ALLC: variants seen among roughly 807,000 people sequenced by gnomAD.
The protein encoded by ALLC is probable inactive allantoicase.
In ALLC, 40 loss-of-function variants were observed where a neutral mutation model predicts 45.0. That is an observed-to-expected ratio of 0.89 (90% CI 0.69 to 1.16). The LOEUF is 1.16. Among genes scored for constraint, ALLC ranks in the 50% most tolerant of loss-of-function variants. ALLC has a pLI of 0.00. For synonymous variants in ALLC, 176 were observed against 178.1 expected, an observed-to-expected ratio of 0.99 and a Z score of 0.09; for missense variants, 488 against 493.1, an observed-to-expected ratio of 0.99 and a Z score of 0.10.
rs777336403 is a variant in ALLC, at chr2:3,696,266, T to A, written c.668-9T>A. The A allele has an allele frequency of 9.7e-5, 157 of 1,610,764 alleles. No homozygotes were observed. Among genetic ancestry groups the A allele is most frequent in the Non-Finnish European group, 7.6e-5 (90 of 1,178,500 alleles). On this transcript the variant is annotated splice_polypyrimidine_tract_variant and intron_variant, in intron 8 of 11. Coordinates refer to ENST00000252505, the MANE Select transcript of ALLC (RefSeq NM_018436.4). ...GCAGTTTACCATTCAACAATGTTAT[T>A]TTCTGTAGGAGTTGGCGGGGCAAAG...
At chr2:3,687,212 T>C (rs1667354019) in intron 7 of ALLC, among the ~76,000 whole-genome samples, 1 of 150,998 alleles carries the variant, frequency 6.6e-6, no homozygotes, top group Non-Finnish European at 1.5e-5. Flanking sequence ...TGGTTTTTGT[T>C]CTTGGTTCAG....
intron 7 of ALLC, among the ~76,000 whole-genome samples, chr2:3,694,419 G>A (rs190204087): frequency 6.6e-6 from 1 of 152,190 alleles, no homozygotes; most frequent in Non-Finnish European, 1.5e-5. Context: ...GGTGGGAATG[G>A]GTTGGTTTAA....
At position 3,680,022 on chromosome 2, in the gene ALLC, T is replaced by C. The variant is rs771038366; in HGVS notation, c.298+28T>C. On this transcript the variant is annotated intron_variant, in intron 5 of 11. Transcript: ENST00000252505. This position sits in a 1 kb window ranked among gnomAD's most constrained non-coding sequence, Gnocchi z 4.0. ...GCGTTAGGAACCACTGTCCCCAAAATGAGAATTATGGGTCACATGGCTCCT... is the reference window on the plus strand; with the variant it reads ...GCGTTAGGAACCACTGTCCCCAAAACGAGAATTATGGGTCACATGGCTCCT... The C allele has an allele frequency of 6.2e-7, 1 of 1,612,696 alleles. No individual in the cohort carries two copies.
chr2:3,649,151 A>G, the ALLC span, among the ~76,000 whole-genome samples: 1 of 152,180 alleles, frequency 6.6e-6, no homozygotes, highest in Non-Finnish European at 1.5e-5. Flanking sequence ...CAGTTCCACA[A>G]TGGGCGCGTT....
At chr2:3,664,101 C>T (rs1431120562) in intron 1 of ALLC, among the ~76,000 whole-genome samples, 1 of 152,226 alleles carries the variant, frequency 6.6e-6, no homozygotes. Context: ...TGGGACATCT[C>T]TCTTAGTTAA....
intron 1 of ALLC, among the ~76,000 whole-genome samples, chr2:3,662,061 G>A (rs1034560723): frequency 2.6e-5 from 4 of 152,196 alleles, no homozygotes; most frequent in Non-Finnish European, 2.9e-5. Flanking sequence ...GAACTTCAGA[G>A]CTCAGCCATG....
At chr2:3,676,460 A>G (rs1310691006) in intron 3 of ALLC, among the ~76,000 whole-genome samples, 1 of 152,010 alleles carries the variant, frequency 6.6e-6, no homozygotes, top group East Asian at 1.9e-4. Context: ...TGTAGAGATG[A>G]GGTCTCTAGC....
intron 1 of ALLC, among the ~76,000 whole-genome samples, chr2:3,663,856 T>A (rs191217866): frequency 1.6e-4 from 25 of 152,382 alleles, no homozygotes; most frequent in Non-Finnish European, 2.9e-5. Flanking sequence ...CAGAACTTTC[T>A]GTAATGATGG....
intron 1 of ALLC, among the ~76,000 whole-genome samples, chr2:3,665,099 C>T (rs138071856): frequency 2.3e-3 from 345 of 152,206 alleles, no homozygotes; most frequent in African/African-American, 7.9e-3. Context: ...GATGAGTCAG[C>T]CTGCCTGTTG....
chr2:3,648,529 C>T, the ALLC span, among the ~76,000 whole-genome samples: 3 of 152,178 alleles, frequency 2.0e-5, no homozygotes, highest in Non-Finnish European at 4.4e-5. Context: ...CTGCTGGCCT[C>T]GGGGATCCTG....
At chr2:3,646,626 G>A in the ALLC span, among the ~76,000 whole-genome samples, 1 of 152,188 alleles carries the variant, frequency 6.6e-6, no homozygotes. Flanking sequence ...CTCGCCTGCT[G>A]GAAGGGAGCC....
chr2:3,702,466 G>A lies in ALLC; in HGVS notation c.1079G>A (p.Arg360His). 2.5e-6 allele frequency: 4 copies of A among 1,612,500 alleles called. No individual in the cohort carries two copies. Among genetic ancestry groups the A allele is most frequent in the East Asian group, 2.2e-5 (1 of 44,802 alleles). Residue 360 changes from arginine to histidine, a missense_variant, in exon 12 of 12, where the codon CGC becomes CAC. By Grantham distance (29) the Arg-to-His change is conservative. Coordinates refer to ENST00000252505, the MANE Select transcript of ALLC (RefSeq NM_018436.4). ...LTIVPDGGVS[R>H]LRLRGFPSSI... is the part of the protein sequence containing the mutation. ...ATCGTCCCCGACGGGGGAGTGAGCCGCCTTCGGCTCCGGGGCTTCCCCAGC... is the reference window on the plus strand; with the variant it reads ...ATCGTCCCCGACGGGGGAGTGAGCCACCTTCGGCTCCGGGGCTTCCCCAGC...
the ALLC span, among the ~76,000 whole-genome samples, chr2:3,649,243 CTTTTT>C: frequency 2.8e-5 from 4 of 140,502 alleles, no homozygotes. Flanking sequence ...CCAAACACTT[CTTTTT>C]TTTTTTTTTT....
Position 3,697,211 on chromosome 2 carries a change from C to T in ALLC, c.742-137C>T, listed in dbSNP as rs1047297007. 1.3e-5 allele frequency: 8 copies of T among 605,992 alleles called. No homozygotes were observed. In the Admixed American group the frequency reaches 1.8e-4, roughly 14 times the overall value. 37.5% of individuals were successfully genotyped at this position (605,992 alleles called of 1,614,324 possible). On this transcript the variant is annotated intron_variant, in intron 9 of 11. Coordinates refer to ENST00000252505, the MANE Select transcript of ALLC (RefSeq NM_018436.4). ...GCAATTTACATGAAAGTGATTTACA[C>T]ATCAGGCCACAGGAAACACTCTTCT...
chr2:3,701,882 C>T (rs1667852633), intron 11 of ALLC, among the ~76,000 whole-genome samples: 1 of 152,154 alleles, frequency 6.6e-6, no homozygotes, highest in African/African-American at 2.4e-5. Context: ...CATGTCTCTG[C>T]ATCATGTTTA....
intron 7 of ALLC, among the ~76,000 whole-genome samples, chr2:3,690,607 GTTATTT>G (rs1667489949): frequency 6.6e-6 from 1 of 150,750 alleles, no homozygotes; most frequent in Admixed American, 6.6e-5. Flanking sequence ...CTTATAACAA[GTTATTT>G]TAAAGAGATG....
rs201176267 is a variant in ALLC, at chr2:3,671,271, G to C, written c.33+81G>C. On this transcript the variant is annotated intron_variant, in intron 2 of 11. Transcript: ENST00000252505. ...AACTCACCAGTGCAGAGAACCTCAT[G>C]CAAGAATCAACAAGAATCAGGCTGA... 2.2e-5 allele frequency: 33 copies of C among 1,499,750 alleles called. No homozygotes were observed. In the East Asian group the frequency reaches 6.9e-4, roughly 32 times the overall value. 92.9% of individuals were successfully genotyped at this position (1,499,750 alleles called of 1,614,324 possible). A position where few individuals can be genotyped will look rare whatever the true frequency, so the allele number is the denominator to read the frequency against.
intron 1 of ALLC, among the ~76,000 whole-genome samples, chr2:3,660,914 G>A (rs1666559553): frequency 1.3e-5 from 2 of 152,174 alleles, no homozygotes; most frequent in South Asian, 2.1e-4. Flanking sequence ...ATCAAAAAAG[G>A]TTGCTTTATG....
At chr2:3,674,025 G>A (rs1666957987) in intron 2 of ALLC, 50 bp from the exon 3 acceptor site, 4 of 1,321,252 alleles carry the variant, frequency 3.0e-6, no homozygotes, top group Non-Finnish European at 4.2e-6. Context: ...AAATAAAATG[G>A]TATCAGATTT....
Sources: gnomAD v4.1 joint callset for allele counts (sites outside exome capture counted in the v4.1 genomes callset) on GRCh38, gnomAD v4.1.1 for gene constraint, Gnocchi (gnomAD v3.1) non-coding constraint, MANE v1.5 for transcripts, NCBI Gene and HGNC (gene_info 2026-07-23, HGNC 2026-07-21) for gene names.